Variants in RCAN3 observed in about 807,000 individuals in gnomAD.
RCAN3 encodes the protein calcipressin-3.
Under a neutral mutation model 21.9 loss-of-function variants are expected in RCAN3, and 19 were observed. That is an observed-to-expected ratio of 0.87 (90% confidence interval 0.61 to 1.27). The LOEUF is 1.27. Ranked by LOEUF, RCAN3 falls within the 50% of genes most tolerant of loss-of-function variation. The pLI is 0.00. For missense variants in RCAN3, 240 were observed against 300.1 expected (o/e 0.80, Z 1.48); for synonymous variants, 114 against 112.3 (o/e 1.01, Z -0.09).
At chr1:24,529,331 T>C (rs196417) in intron 2 of RCAN3, among the ~76,000 whole-genome samples, 80,274 of 150,832 alleles carry the variant, frequency 0.53, 21,853 homozygotes, top group East Asian at 0.74. Flanking sequence ...GGTAGGAAGA[T>C]TGCCTGAGCT....
chr1:24,511,590 G>C (rs1354321689), intron 1 of RCAN3, among the ~76,000 whole-genome samples: 1 of 152,162 alleles, frequency 6.6e-6, no homozygotes, highest in Non-Finnish European at 1.5e-5. Context: ...GCAGTTCATG[G>C]TGCCCCAAAA....
At chr1:24,526,237 G>A (rs763116070) in intron 2 of RCAN3, among the ~76,000 whole-genome samples, 36 of 152,072 alleles carry the variant, frequency 2.4e-4, no homozygotes, top group Non-Finnish European at 4.7e-4. Context: ...GACTACAAGC[G>A]TATGCCACCA....
intron 1 of RCAN3, among the ~76,000 whole-genome samples, chr1:24,510,726 C>G (rs1038769027): frequency 2.0e-5 from 3 of 152,106 alleles, no homozygotes; most frequent in Non-Finnish European, 2.9e-5. Context: ...TTTTAATTTC[C>G]TTTGGGAACT....
intron 2 of RCAN3, among the ~76,000 whole-genome samples, chr1:24,515,953 A>G (rs962871352): frequency 2.0e-5 from 3 of 151,688 alleles, no homozygotes; most frequent in African/African-American, 7.3e-5. Flanking sequence ...GACCAGCCTG[A>G]CCAACATGGT....
rs1269405655 is a variant in RCAN3 at position 24,514,554 on chromosome 1, C to T, written c.182C>T (p.Ala61Val). 2 of 1,613,570 alleles carry T rather than the reference C, an allele frequency of 1.2e-6. No homozygotes were observed. Among genetic ancestry groups the T allele is most frequent in the East Asian group, 4.5e-5 (2 of 44,850 alleles). ...AGCGTCCATGAAGCAGTGTTTGAGGCACGAGAGCAGAAGGTAGGCATCTAT... is the reference window on the plus strand; with the variant it reads ...AGCGTCCATGAAGCAGTGTTTGAGGTACGAGAGCAGAAGGTAGGCATCTAT... ...ACSVHEAVFE[A>V]REQKERFEAL... is the part of the protein sequence containing the mutation. The change falls in exon 2 of 5, where the codon GCA becomes GTA. Residue 61 changes from alanine (A) to valine (V), a missense_variant. Transcript: ENST00000374395.
Position 24,520,321 on chromosome 1 carries a change from A to G in RCAN3, c.195+5754A>G, listed in dbSNP as rs569342398. 8.5e-5 allele frequency among the ~76,000 whole-genome samples: 13 copies of G among 152,326 alleles called. No homozygotes were observed. The East Asian group carries it at 2.3e-3, about 27-fold the overall frequency. ...ACTAGAGAATCATAGTTTAGAATTA[A>G]GAAATCCTAGTCAAGTCTGTATTTT... On this transcript the variant is annotated intron_variant, in intron 2 of 4. Transcript: ENST00000374395.
intron 3 of RCAN3, among the ~76,000 whole-genome samples, 184 bp from the exon 4 acceptor site, chr1:24,532,899 A>C (rs1046770789): frequency 7.3e-6 from 1 of 137,294 alleles, no homozygotes; most frequent in African/African-American, 2.7e-5. Flanking sequence ...CAGTGAGCTG[A>C]GATTGGACCA....
intron 1 of RCAN3, among the ~76,000 whole-genome samples, chr1:24,503,693 C>G (rs947211855): frequency 1.3e-5 from 2 of 152,250 alleles, no homozygotes; most frequent in Non-Finnish European, 2.9e-5. Flanking sequence ...CGTGCAAAAT[C>G]TGATCATCTC....
intron 1 of RCAN3, among the ~76,000 whole-genome samples, chr1:24,505,442 C>T (rs975070382): frequency 1.3e-5 from 2 of 151,652 alleles, no homozygotes; most frequent in African/African-American, 4.8e-5. Flanking sequence ...GGGCTGGTCT[C>T]GAACTCTGGA....
At position 24,539,338 on chromosome 1, in the gene RCAN3, T is replaced by A. The variant is rs1263062570; in HGVS notation, c.*4061T>A. 6.6e-6 allele frequency: 1 copy of A among 152,244 alleles called. No individual in the cohort carries two copies. Among genetic ancestry groups the A allele is most frequent in the African/African-American group, 2.4e-5 (1 of 41,462 alleles). 9.4% of individuals were successfully genotyped at this position (152,244 alleles called of 1,614,324 possible). A position where few individuals can be genotyped will look rare whatever the true frequency, so the allele number is the denominator to read the frequency against. ...GATGGAAGAGGTGACTTAATAATTT[T>A]ATTAATGAATTTGATGTCCCATGTT... is the stretch of plus-strand genomic sequence containing the variant. On this transcript the variant is annotated 3_prime_UTR_variant, in exon 5 of 5. Coordinates refer to ENST00000374395, the MANE Select transcript of RCAN3 (RefSeq NM_013441.4).
intron 1 of RCAN3, among the ~76,000 whole-genome samples, chr1:24,506,886 C>T (rs1647483139): frequency 6.6e-6 from 1 of 151,894 alleles, no homozygotes; most frequent in Admixed American, 6.6e-5. Context: ...TCTCAAATTT[C>T]AAAATCTAGT....
At chr1:24,514,684 T>TCTA in intron 2 of RCAN3, 117 bp downstream of exon 2, 2 of 1,035,060 alleles carry the variant, frequency 1.9e-6, no homozygotes, top group Non-Finnish European at 2.8e-6. Context: ...ATGTCCACTT[T>TCTA]TAGGCCGGGC....
In RCAN3 at chr1:24,538,013, GCTTTGT is replaced by G. The variant is rs1405949291; in HGVS notation, c.*2737_*2742del. The G allele has an allele frequency of 6.6e-6, 1 of 152,226 alleles. No homozygotes were observed. Among genetic ancestry groups the G allele is most frequent in the Non-Finnish European group, 1.5e-5 (1 of 68,038 alleles). 9.4% of individuals were successfully genotyped at this position (152,226 alleles called of 1,614,324 possible). On this transcript the variant is annotated 3_prime_UTR_variant, in exon 5 of 5. Transcript: ENST00000374395. Reference sequence around the variant, plus strand: ...GAAAATTGTGAGGAAAGATAATGGTGCTTTGTGTTGGGAAAAAAACATTTGTGAAGG... The same window carrying G: ...GAAAATTGTGAGGAAAGATAATGGTGGTTGGGAAAAAAACATTTGTGAAGG...
chr1:24,532,870 A>T (rs1395855896), intron 3 of RCAN3, among the ~76,000 whole-genome samples: 2 of 140,284 alleles, frequency 1.4e-5, no homozygotes, highest in African/African-American at 5.6e-5. Flanking sequence ...GAGAATGTGA[A>T]CCCGGGAGGT....
At chr1:24,509,657 G>T (rs1647725835) in intron 1 of RCAN3, among the ~76,000 whole-genome samples, 1 of 152,130 alleles carries the variant, frequency 6.6e-6, no homozygotes, top group Non-Finnish European at 1.5e-5. Flanking sequence ...CTCCACTGAT[G>T]TCTTGAACAC....
intron 3 of RCAN3, 58 bp downstream of exon 3, chr1:24,531,449 A>G: frequency 7.6e-7 from 1 of 1,320,880 alleles, no homozygotes; most frequent in Non-Finnish European, 1.0e-6. Flanking sequence ...ATCCAAAAAT[A>G]TTTTTATTTC....
At chr1:24,510,971 G>A (rs1647829945) in intron 1 of RCAN3, among the ~76,000 whole-genome samples, 1 of 152,082 alleles carries the variant, frequency 6.6e-6, no homozygotes, top group Non-Finnish European at 1.5e-5. Context: ...AGAGAGTCGG[G>A]GAAATGGCCT....
intron 2 of RCAN3, among the ~76,000 whole-genome samples, chr1:24,515,463 T>TGTGTGTGC (rs1352127219): frequency 2.0e-5 from 3 of 150,010 alleles, no homozygotes; most frequent in Admixed American, 6.7e-5. Context: ...TGTGTGTGTG[T>TGTGTGTGC]GCTTTGTTTT....
At chr1:24,532,720 GGGC>G (rs1247695822) in intron 3 of RCAN3, among the ~76,000 whole-genome samples, 1 of 150,780 alleles carries the variant, frequency 6.6e-6, no homozygotes, top group Non-Finnish European at 1.5e-5. Flanking sequence ...AGGCCAAGGT[GGGC>G]GGATGATGAA....
Sources: allele counts gnomAD v4.1 joint callset (sites outside exome capture counted in the v4.1 genomes callset), GRCh38; gene constraint gnomAD v4.1.1; transcripts MANE v1.5; gene names NCBI Gene and HGNC (gene_info 2026-07-23, HGNC 2026-07-21).